Variants in ARHGAP26 observed in about 807,000 individuals in gnomAD.
ARHGAP26 encodes Rho GTPase activating protein 26, also known as rho GTPase-activating protein 26.
ARHGAP26 carries 38 observed loss-of-function variants against 104.8 expected under a neutral mutation model. The observed-to-expected ratio is 0.36, with a 90% CI of 0.28 to 0.48. The LOEUF is 0.48. Ranked by LOEUF, ARHGAP26 falls within the 20% of genes least tolerant of loss-of-function variation. ARHGAP26 has a pLI of 0.99. For missense variants in ARHGAP26, 704 were observed against 947.9 expected, an observed-to-expected ratio of 0.74 and a Z score of 3.38; for synonymous variants, 341 against 340.0, an observed-to-expected ratio of 1.00 and a Z score of -0.03.
chr5:143,216,477 G>T, intron 22 of ARHGAP26: 1 of 339,786 alleles, frequency 2.9e-6, no homozygotes, highest in Admixed American at 3.8e-5. Flanking sequence ...ACAGCCTCAT[G>T]CCTTCTTCAT....
chr5:143,142,629 G>T (rs746497052), intron 19 of ARHGAP26, among the ~76,000 whole-genome samples: 7 of 152,270 alleles, frequency 4.6e-5, no homozygotes, highest in South Asian at 2.1e-4. Flanking sequence ...TCAGATTTTA[G>T]TGTGGCTTGG....
At chr5:142,950,032 G>A (rs545834511) in intron 11 of ARHGAP26, among the ~76,000 whole-genome samples, 2 of 152,340 alleles carry the variant, frequency 1.3e-5, no homozygotes, top group Non-Finnish European at 2.9e-5. Flanking sequence ...CTTGTGAGCT[G>A]AAGAGGGCCT....
At chr5:143,162,708 A>G (rs952984909) in intron 20 of ARHGAP26, among the ~76,000 whole-genome samples, 2 of 152,168 alleles carry the variant, frequency 1.3e-5, no homozygotes, top group African/African-American at 4.8e-5. Flanking sequence ...TATGGCACCA[A>G]CTGTTGAATA....
At chr5:143,200,624 A>G (rs1599485514) in intron 20 of ARHGAP26, among the ~76,000 whole-genome samples, 1 of 152,366 alleles carries the variant, frequency 6.6e-6, no homozygotes, top group South Asian at 2.1e-4. Flanking sequence ...AAATATGCCA[A>G]AGTGTTAACA....
chr5:142,993,447 G>A (rs1775944224), intron 11 of ARHGAP26, among the ~76,000 whole-genome samples: 1 of 152,132 alleles, frequency 6.6e-6, no homozygotes, highest in African/African-American at 2.4e-5. Flanking sequence ...GGGATTGCAG[G>A]TGTGAGCCAC....
chr5:143,214,226 G>C (rs1452692303), intron 22 of ARHGAP26, 138 bp downstream of exon 22: 3 of 581,192 alleles, frequency 5.2e-6, no homozygotes, highest in Admixed American at 2.8e-5. Flanking sequence ...GTGTGCGTCT[G>C]TGTGTGTTGG....
chr5:143,107,607 C>T (rs1010255508), intron 17 of ARHGAP26, among the ~76,000 whole-genome samples: 4 of 152,226 alleles, frequency 2.6e-5, no homozygotes, highest in South Asian at 4.1e-4. Flanking sequence ...TCATTAAACA[C>T]TTTGACTTCC....
intron 11 of ARHGAP26, among the ~76,000 whole-genome samples, chr5:142,982,238 T>TGGCTGGCTGCTAGCCCAGGC (rs1774047249): frequency 6.6e-6 from 1 of 152,248 alleles, no homozygotes; most frequent in African/African-American, 2.4e-5. Context: ...GCAGTCCAGA[T>TGGCTGGCTGCTAGCCCAGGC]GGCTGGCTGC....
chr5:142,927,653 G>C (rs1188714261), intron 10 of ARHGAP26, among the ~76,000 whole-genome samples: 1 of 152,192 alleles, frequency 6.6e-6, no homozygotes, highest in African/African-American at 2.4e-5. Flanking sequence ...TGCGTCTTTT[G>C]GTGGACATAT....
intron 15 of ARHGAP26, 69 bp from the exon 16 acceptor site, chr5:143,055,959 G>A: frequency 1.8e-6 from 2 of 1,091,072 alleles, no homozygotes; most frequent in South Asian, 2.8e-5. Flanking sequence ...TCAGTCTCTA[G>A]GCTGCTATTT....
At chr5:142,784,330 T>A (rs1458189161) in intron 1 of ARHGAP26, among the ~76,000 whole-genome samples, 1 of 152,144 alleles carries the variant, frequency 6.6e-6, no homozygotes, top group Non-Finnish European at 1.5e-5. Context: ...TTGCTTCTCA[T>A]CTCCCCCACC....
intron 11 of ARHGAP26, among the ~76,000 whole-genome samples, chr5:143,012,577 T>TTATATATATATATATATATA: frequency 5.2e-5 from 1 of 19,096 alleles, no homozygotes; most frequent in African/African-American, 1.1e-4. Flanking sequence ...ATATATATAT[T>TTATATATATATATATATATA]ATGATCAGGT....
At chr5:142,905,802 G>T (rs1022814861) in intron 8 of ARHGAP26, among the ~76,000 whole-genome samples, 2 of 152,058 alleles carry the variant, frequency 1.3e-5, no homozygotes, top group Admixed American at 6.6e-5. Context: ...GGCTAAAATC[G>T]CAATTGAACT....
In ARHGAP26 at chr5:142,885,412, A is replaced by T. The variant is rs1374804730; in HGVS notation, c.486+13A>T. ...TCAGCTTCAGGAGGTAAGAGACTTT[A>T]TTAGTATCCTGAATAAAGTGTTCAA... On this transcript the variant is annotated intron_variant, in intron 5 of 22. Transcript: ENST00000645722. 3 of 1,600,334 alleles carry T rather than the reference A, an allele frequency of 1.9e-6. No homozygotes were observed. In the Admixed American group the frequency reaches 5.0e-5, roughly 27 times the overall value.
chr5:143,025,645 CT>C (rs1339282670), intron 12 of ARHGAP26, among the ~76,000 whole-genome samples: 3 of 152,226 alleles, frequency 2.0e-5, no homozygotes, highest in African/African-American at 7.2e-5. Flanking sequence ...AAGCCTTGCT[CT>C]TTTGCTGCTA....
intron 20 of ARHGAP26, among the ~76,000 whole-genome samples, chr5:143,201,027 A>G (rs1375930793): frequency 4.6e-5 from 7 of 152,248 alleles, no homozygotes; most frequent in African/African-American, 1.4e-4. Flanking sequence ...TATGCTGCCA[A>G]GCCTTTTAGC....
At chr5:142,786,490 G>A (rs182737773) in intron 1 of ARHGAP26, among the ~76,000 whole-genome samples, 248 of 152,000 alleles carry the variant, frequency 1.6e-3, no homozygotes, top group African/African-American at 5.5e-3. Context: ...TTAGAGATAG[G>A]ATCTTGCTGT....
chr5:142,970,852 CT>C (rs1772161356), intron 11 of ARHGAP26, among the ~76,000 whole-genome samples: 3 of 152,302 alleles, frequency 2.0e-5, no homozygotes, highest in Non-Finnish European at 2.9e-5. Context: ...TCTAGAAAGG[CT>C]TTCTGGAGAA....
chr5:143,119,792 G>C (rs995939506), intron 17 of ARHGAP26, among the ~76,000 whole-genome samples: 2 of 151,504 alleles, frequency 1.3e-5, no homozygotes, highest in East Asian at 3.9e-4. Flanking sequence ...AAAAATTATA[G>C]AAAAGTACAC....
Sources: gnomAD v4.1 joint callset for allele counts (sites outside exome capture counted in the v4.1 genomes callset) on GRCh38, gnomAD v4.1.1 for gene constraint, MANE v1.5 for transcripts, NCBI Gene and HGNC (gene_info 2026-07-23, HGNC 2026-07-21) for gene names.